ROBO2: variants seen among roughly 807,000 people sequenced by gnomAD.
The protein encoded by ROBO2 is roundabout homolog 2.
Under a neutral mutation model 160.8 loss-of-function variants are expected in ROBO2, and 53 were observed. That is an observed-to-expected ratio of 0.33 (90% CI 0.26 to 0.41). ROBO2 has a LOEUF of 0.41. Ranked by LOEUF, ROBO2 falls within the 10% of genes least tolerant of loss-of-function variation. The pLI is 1.00. For missense variants in ROBO2, 1,577 were observed against 1,722.4 expected (o/e 0.92, Z 1.49); for synonymous variants, 664 against 611.7 (o/e 1.09, Z -1.26).
intron 2 of ROBO2, among the ~76,000 whole-genome samples, chr3:77,454,339 T>C (rs1053512158): frequency 2.6e-5 from 4 of 152,150 alleles, no homozygotes; most frequent in Non-Finnish European, 5.9e-5. Context: ...GAGTCTTCAG[T>C]TGGCCTCGTC....
intron 2 of ROBO2, among the ~76,000 whole-genome samples, chr3:77,379,066 G>A (rs1195829406): frequency 1.3e-5 from 2 of 151,890 alleles, no homozygotes; most frequent in East Asian, 3.9e-4. Flanking sequence ...TCCTGTCTCA[G>A]CCTCTCGAGT....
At chr3:76,462,186 G>A (rs965586377) in intron 2 of ROBO2, among the ~76,000 whole-genome samples, 1 of 152,126 alleles carries the variant, frequency 6.6e-6, no homozygotes, top group African/African-American at 2.4e-5. Flanking sequence ...AAGTAGATAA[G>A]TACAATGCAA....
intron 2 of ROBO2, among the ~76,000 whole-genome samples, chr3:77,100,351 C>A (rs1334115636): frequency 1.3e-5 from 2 of 152,120 alleles, no homozygotes; most frequent in Non-Finnish European, 2.9e-5. Flanking sequence ...ATCACAAGGT[C>A]AAATAATATT....
chr3:76,950,586 A>T (rs2078896350), intron 2 of ROBO2, among the ~76,000 whole-genome samples: 1 of 152,220 alleles, frequency 6.6e-6, no homozygotes, highest in Admixed American at 6.5e-5. Context: ...GGTTCTAAAC[A>T]GTCTCCATTC....
intron 2 of ROBO2, among the ~76,000 whole-genome samples, chr3:77,407,739 G>T (rs183776378): frequency 6.6e-6 from 1 of 152,112 alleles, no homozygotes; most frequent in African/African-American, 2.4e-5. Context: ...AAAAAATAAT[G>T]CTCGTGTTTA....
At chr3:77,618,491 C>G (rs1002973329) in intron 22 of ROBO2, among the ~76,000 whole-genome samples, 7 of 152,086 alleles carry the variant, frequency 4.6e-5, no homozygotes, top group African/African-American at 1.7e-4. Flanking sequence ...GTTATTCAAT[C>G]TTTCTATTTT....
chr3:76,767,193 A>G (rs550191808), intron 2 of ROBO2, among the ~76,000 whole-genome samples: 12 of 151,720 alleles, frequency 7.9e-5, no homozygotes, highest in Admixed American at 2.0e-4. Flanking sequence ...AAAGCCTTTT[A>G]GTACGTGAAG....
chr3:77,249,117 C>T (rs1391611292), intron 2 of ROBO2, among the ~76,000 whole-genome samples: 4 of 152,100 alleles, frequency 2.6e-5, no homozygotes, highest in South Asian at 2.1e-4. Context: ...TCCCAAAGTT[C>T]TGGGATTACA....
At chr3:77,442,347 A>G (rs1332592148) in intron 2 of ROBO2, among the ~76,000 whole-genome samples, 1 of 152,102 alleles carries the variant, frequency 6.6e-6, no homozygotes, top group South Asian at 2.1e-4. Flanking sequence ...TTCATGAGTC[A>G]TGTGTTTGTT....
chr3:77,123,634 A>G (rs2074996967), intron 2 of ROBO2, among the ~76,000 whole-genome samples: 1 of 151,670 alleles, frequency 6.6e-6, no homozygotes, highest in South Asian at 2.1e-4. Flanking sequence ...TAACAATTCT[A>G]GAGAGTGGAC....
At chr3:77,323,333 A>C (rs1465455430) in intron 2 of ROBO2, among the ~76,000 whole-genome samples, 3 of 151,772 alleles carry the variant, frequency 2.0e-5, no homozygotes, top group African/African-American at 7.3e-5. Flanking sequence ...TTGACTTTTC[A>C]TACTTGCTCT....
intron 2 of ROBO2, among the ~76,000 whole-genome samples, chr3:76,133,584 G>C (rs900281143): frequency 6.6e-6 from 1 of 152,042 alleles, no homozygotes; most frequent in South Asian, 2.1e-4. Flanking sequence ...CACAAAAGTA[G>C]GGAAGCCGAC....
intron 2 of ROBO2, among the ~76,000 whole-genome samples, chr3:76,867,888 G>A (rs915362083): frequency 1.3e-5 from 2 of 152,118 alleles, no homozygotes; most frequent in Non-Finnish European, 2.9e-5. Context: ...AATACTTGAG[G>A]CAAATGATCA....
At chr3:76,465,998 GGTGTGTGTGTGT>G (rs57838247) in intron 2 of ROBO2, among the ~76,000 whole-genome samples, 4 of 147,566 alleles carry the variant, frequency 2.7e-5, no homozygotes, top group South Asian at 2.1e-4. Context: ...ATAAAATATG[GGTGTGTGTGTGT>G]GTGTGTGTGT....
chr3:76,220,645 A>T (rs1018000569), intron 2 of ROBO2, among the ~76,000 whole-genome samples: 2 of 152,168 alleles, frequency 1.3e-5, no homozygotes, highest in African/African-American at 4.8e-5. Flanking sequence ...AGGAGCACAG[A>T]TGCACTAAGA....
In ROBO2 at chr3:77,190,759, C is replaced by T. The variant is rs367899842; in HGVS notation, c.388+92419C>T. Reference sequence around the variant, plus strand: ...TTTATTTAGTGCCTGGACTCCTGGTCTATGAGGAATGTGAAGTCTGTATAC... The same window carrying T: ...TTTATTTAGTGCCTGGACTCCTGGTTTATGAGGAATGTGAAGTCTGTATAC... On this transcript the variant is annotated intron_variant, in intron 2 of 25. Transcript: ENST00000461745. 5.9e-5 allele frequency among the ~76,000 whole-genome samples: 9 copies of T among 151,950 alleles called. No individual in the cohort carries two copies. The East Asian group carries it at 1.2e-3, about 20-fold the overall frequency.
intron 2 of ROBO2, among the ~76,000 whole-genome samples, chr3:76,363,557 C>A (rs2075646481): frequency 6.6e-6 from 1 of 152,042 alleles, no homozygotes; most frequent in African/African-American, 2.4e-5. Flanking sequence ...CTCCTAGTTT[C>A]CAGGACTCTG....
intron 2 of ROBO2, among the ~76,000 whole-genome samples, chr3:76,936,526 ACC>A (rs2077712530): frequency 6.6e-6 from 1 of 151,968 alleles, no homozygotes; most frequent in African/African-American, 2.4e-5. Flanking sequence ...GGAAGGTGTG[ACC>A]TGAAGGATTT....
At chr3:76,836,631 G>C (rs2067716648) in intron 2 of ROBO2, among the ~76,000 whole-genome samples, 1 of 151,032 alleles carries the variant, frequency 6.6e-6, no homozygotes, top group Non-Finnish European at 1.5e-5. Flanking sequence ...ATTTTTATTT[G>C]ACCCATGGAT....
Sources: allele counts gnomAD v4.1 joint callset (sites outside exome capture counted in the v4.1 genomes callset), GRCh38; gene constraint gnomAD v4.1.1; transcripts MANE v1.5; gene names NCBI Gene and HGNC (gene_info 2026-07-23, HGNC 2026-07-21).